Variants in AP3B2 observed in about 807,000 individuals in gnomAD.
AP3B2 encodes the protein AP-3 complex subunit beta-2.
A neutral mutation model predicts 126.9 loss-of-function variants in AP3B2; 50 were observed. The ratio of observed to expected loss-of-function variants is 0.39; its 90% CI spans 0.31 to 0.50. AP3B2 has a LOEUF of 0.50. Among genes scored for constraint, AP3B2 ranks in the 20% least tolerant of loss-of-function variants. The pLI, the probability that AP3B2 is intolerant of heterozygous loss-of-function variation, is 0.79. For synonymous variants in AP3B2, 541 were observed against 565.0 expected (o/e 0.96, Z 0.60); for missense variants, 1,177 against 1,426.4 (o/e 0.83, Z 2.82).
chr15:82,664,760 A>G lies in AP3B2; in HGVS notation c.2137+75T>C. The G allele has an allele frequency of 8.4e-7, 1 of 1,193,408 alleles. No homozygotes were observed. The highest frequency in any genetic ancestry group is 1.2e-6 in the Non-Finnish European group (1 of 832,394). 73.9% of individuals were successfully genotyped at this position (1,193,408 alleles called of 1,614,324 possible). A position where few individuals can be genotyped will look rare whatever the true frequency, so the allele number is the denominator to read the frequency against. On this transcript the variant is annotated intron_variant, in intron 18 of 26. Transcript: ENST00000535359. This position sits in a 1 kb window ranked among gnomAD's most constrained non-coding sequence, Gnocchi z 4.5. ...CACCCCTAGACACACAACCATATAC[A>G]TATACCCCTCATATAGTCAGTCACA...
rs1474477765 is a variant in AP3B2, at chr15:82,680,262, C to T, written c.1056-33G>A. ...GAGGACGGGTCAGAGCACCCCGGGC[C>T]CCTCGGTTGGGGCAAGGGTCAGCGG... On this transcript the variant is annotated intron_variant, in intron 8 of 26. Coordinates refer to ENST00000535359, the MANE Select transcript of AP3B2 (RefSeq NM_001278512.2). This position sits in a 1 kb window ranked among gnomAD's most constrained non-coding sequence, Gnocchi z 6.1. The T allele has an allele frequency of 2.5e-6, 4 of 1,613,012 alleles. No individual in the cohort carries two copies. The highest frequency in any genetic ancestry group is 2.7e-5 in the African/African-American group (2 of 74,884).
chr15:82,691,603 T>TAAA, intron 1 of AP3B2: 3 of 631,086 alleles, frequency 4.8e-6, no homozygotes, highest in Non-Finnish European at 6.6e-6. Flanking sequence ...TTTTCTTCTT[T>TAAA]AAAAAAAAAA....
intron 23 of AP3B2, 36 bp downstream of exon 23, chr15:82,662,657 GA>G: frequency 6.4e-7 from 1 of 1,563,112 alleles, no homozygotes; most frequent in Non-Finnish European, 8.7e-7. Context: ...CTCTGCCCAG[GA>G]GCCTCCTCCT....
intron 1 of AP3B2, among the ~76,000 whole-genome samples, chr15:82,698,206 G>A (rs1324608283): frequency 2.7e-5 from 4 of 150,598 alleles, no homozygotes; most frequent in African/African-American, 4.9e-5. Context: ...ATAAACCCAC[G>A]CACACCCACA....
At position 82,666,792 on chromosome 15, in the gene AP3B2, A is replaced by G. The variant is rs1366921355; in HGVS notation, c.1807T>C (p.Phe603Leu). 1.2e-6 allele frequency: 2 copies of G among 1,613,892 alleles called. No homozygotes were observed. The highest frequency in any genetic ancestry group is 1.3e-5 in the African/African-American group (1 of 74,928). ...ACTGGAGCTGGTTTGGGTGCCAGGA[A>G]GAGCTTCTTGGCATGGCGGCTGAGG... ...GALSRHAKKL[F>L]LAPKPAPVLE... is the part of the protein sequence containing the mutation. The change falls in exon 15 of 27, where the codon TTC becomes CTC. Residue 603 changes from phenylalanine to leucine, a missense_variant. Transcript: ENST00000535359.
chr15:82,689,613 C>T (rs2048490067), intron 1 of AP3B2, 160 bp from the exon 2 acceptor site: 1 of 619,854 alleles, frequency 1.6e-6, no homozygotes, highest in Non-Finnish European at 2.9e-6. Context: ...AAGTACAGAT[C>T]AGGGGAAACA....
Position 82,665,276 on chromosome 15 carries a change from G to A in AP3B2, c.1999C>T (p.His667Tyr). The A allele has an allele frequency of 6.5e-7, 1 of 1,546,060 alleles. No individual in the cohort carries two copies. The highest frequency in any genetic ancestry group is 8.7e-7 in the Non-Finnish European group (1 of 1,152,558). Reference protein sequence around the residue: ...EEEDLSLIETHVGLLGEYTEV... With the variant: ...EEEDLSLIETYVGLLGEYTEV... ...GTGTATTCGCCCAACAGGCCCACGTGAGTCTCAATAAGGGAGAGATCTTCT... is the reference window on the plus strand; with the variant it reads ...GTGTATTCGCCCAACAGGCCCACGTAAGTCTCAATAAGGGAGAGATCTTCT... Residue 667 changes from histidine (H) to tyrosine (Y), a missense_variant, in exon 17 of 27, where the codon CAC becomes TAC. Around this residue, in one of 5 missense-constraint regions of AP3B2, gnomAD observed 587 missense variants for 571.3 expected, o/e 1.03. Coordinates refer to ENST00000535359, the MANE Select transcript of AP3B2 (RefSeq NM_001278512.2). The surrounding 1 kb of genome is among the most constrained non-coding windows in gnomAD (Gnocchi z 4.4).
chr15:82,696,777 AACC>A (rs553037781), intron 1 of AP3B2, among the ~76,000 whole-genome samples: 81 of 152,336 alleles, frequency 5.3e-4, no homozygotes, highest in African/African-American at 1.9e-3. Flanking sequence ...CAATGTGGCT[AACC>A]ATACTCAGAG....
intron 14 of AP3B2, among the ~76,000 whole-genome samples, chr15:82,671,849 G>C (rs1393672962): frequency 6.6e-6 from 1 of 151,796 alleles, no homozygotes; most frequent in African/African-American, 2.4e-5. Context: ...TTCAAGACCA[G>C]CCTGGCCAAC....
Position 82,696,599 on chromosome 15 carries a change from T to C in AP3B2, c.114-7146A>G, listed in dbSNP as rs1406729687. Among the ~76,000 whole-genome samples, 9 of 152,120 alleles carry C rather than the reference T, an allele frequency of 5.9e-5. No homozygotes were observed. In the East Asian group the frequency reaches 1.5e-3, roughly 26 times the overall value. On this transcript the variant is annotated intron_variant, in intron 1 of 26. Coordinates refer to ENST00000535359, the MANE Select transcript of AP3B2 (RefSeq NM_001278512.2). ...TCTCAAAAAAATTTAAAAAAGGAAC[T>C]GATATACATGTATAAGGTCTCTTTG...
intron 4 of AP3B2, among the ~76,000 whole-genome samples, chr15:82,684,487 G>C (rs552469322): frequency 1.8e-4 from 27 of 152,324 alleles, no homozygotes; most frequent in Non-Finnish European, 2.5e-4. Flanking sequence ...TTTGGCTTAA[G>C]GGAATGTGGT....
chr15:82,663,150 T>G lies in AP3B2; in HGVS notation c.2581A>C (p.Thr861Pro), dbSNP rs762428082. 8 of 1,611,706 alleles carry G rather than the reference T, an allele frequency of 5.0e-6. No homozygotes were observed. The highest frequency in any genetic ancestry group is 6.8e-6 in the Non-Finnish European group (8 of 1,179,448). ...LAADLEGLTLTDSTLVPSLLS... is the reference protein window; with the variant it reads ...LAADLEGLTLPDSTLVPSLLS... ...ACCGACGGTACCAGGGTGGAGTCTG[T>G]GAGTGTCAGGCCCTCCAGGTCAGCA... Residue 861 changes from threonine to proline, a missense_variant, in exon 22 of 27, where the codon ACA (threonine) becomes CCA (proline). Thr to Pro is a conservative substitution (Grantham distance 38). Coordinates refer to ENST00000535359, the MANE Select transcript of AP3B2 (RefSeq NM_001278512.2).
chr15:82,692,228 C>T, intron 1 of AP3B2: 1 of 1,117,742 alleles, frequency 8.9e-7, no homozygotes. Context: ...AGGCGAAGGG[C>T]ACAAGGCAGT....
At chr15:82,662,600 C>T (rs901946170) in intron 23 of AP3B2, 94 bp downstream of exon 23, 1 of 1,222,918 alleles carries the variant, frequency 8.2e-7, no homozygotes, top group African/African-American at 1.5e-5. Context: ...TATAGCTTGG[C>T]CCCTGGCCTG....
intron 23 of AP3B2, 30 bp downstream of exon 23, chr15:82,662,664 C>T: frequency 6.3e-7 from 1 of 1,578,838 alleles, no homozygotes; most frequent in Non-Finnish European, 8.6e-7. Flanking sequence ...CAGGAGCCTC[C>T]TCCTCCACCC....
intron 1 of AP3B2, among the ~76,000 whole-genome samples, chr15:82,707,275 A>C (rs1005954206): frequency 6.6e-6 from 1 of 152,208 alleles, no homozygotes; most frequent in African/African-American, 2.4e-5. Flanking sequence ...CTCAGCCACC[A>C]ACTTAAAAAG....
chr15:82,665,323 T>C lies in AP3B2; in HGVS notation c.1972-20A>G. The C allele has an allele frequency of 1.3e-6, 2 of 1,572,712 alleles. No homozygotes were observed. The highest frequency in any genetic ancestry group is 2.8e-5 in the African/African-American group (2 of 72,154). On this transcript the variant is annotated intron_variant, in intron 16 of 26. Transcript: ENST00000535359. This position sits in a 1 kb window ranked among gnomAD's most constrained non-coding sequence, Gnocchi z 4.4. ...TTCTTCCTGTGTGTGTGGGGGAGGG[T>C]GTTAGGAGGGCTGGGCCGGCACTGC...
rs1475940083 is a variant in AP3B2 at position 82,680,990 on chromosome 15, A to G, written c.618T>C (p.Phe206=). 6.8e-6 allele frequency: 11 copies of G among 1,613,748 alleles called. No homozygotes were observed. Among genetic ancestry groups the G allele is most frequent in the Non-Finnish European group, 9.3e-6 (11 of 1,179,872 alleles). ...TLVAGSVVMA[F]EEVCPERIDL... is the part of the protein sequence containing the mutation. ...CGATGCGCTCCGGGCAGACCTCCTCAAAGGCCATCACCACACTGCCCGCCA... is the reference window on the plus strand; with the variant it reads ...CGATGCGCTCCGGGCAGACCTCCTCGAAGGCCATCACCACACTGCCCGCCA... The change falls in exon 7 of 27, where the codon TTT becomes TTC. Residue 206 remains phenylalanine, a synonymous_variant. Coordinates refer to ENST00000535359, the MANE Select transcript of AP3B2 (RefSeq NM_001278512.2). The surrounding 1 kb of genome is among the most constrained non-coding windows in gnomAD (Gnocchi z 6.1).
At chr15:82,706,877 G>A (rs938913017) in intron 1 of AP3B2, among the ~76,000 whole-genome samples, 26 of 151,418 alleles carry the variant, frequency 1.7e-4, no homozygotes, top group Non-Finnish European at 3.2e-4. Context: ...CTCAGGGATT[G>A]TTCAGGCCCC....
Sources: gnomAD v4.1 joint callset for allele counts (sites outside exome capture counted in the v4.1 genomes callset) on GRCh38, gnomAD v4.1.1 for gene constraint, gnomAD v4.1.1 regional missense constraint, Gnocchi (gnomAD v3.1) non-coding constraint, MANE v1.5 for transcripts, NCBI Gene and HGNC (gene_info 2026-07-23, HGNC 2026-07-21) for gene names.